Variants in NAV1 observed in about 807,000 individuals in gnomAD.
The protein encoded by NAV1 is neuron navigator 1, also known as pore membrane and/or filament interacting like protein 3.
NAV1 carries 18 observed loss-of-function variants against 175.2 expected under a neutral mutation model. The observed-to-expected ratio is 0.10, with a 90% confidence interval of 0.07 to 0.15. The LOEUF is 0.15. Among genes scored for constraint, NAV1 ranks in the 10% least tolerant of loss-of-function variants. The pLI is 1.00. For synonymous variants in NAV1, 897 were observed against 978.7 expected, an observed-to-expected ratio of 0.92 and a Z score of 1.56; for missense variants, 1,731 against 2,436.6, an observed-to-expected ratio of 0.71 and a Z score of 6.10.
intron 3 of NAV1, among the ~76,000 whole-genome samples, chr1:201,776,322 G>C (rs1308459751): frequency 1.1e-5 from 1 of 93,976 alleles, no homozygotes; most frequent in African/African-American, 4.2e-5. Context: ...AACATAAGGA[G>C]ACCCTGACTC....
chr1:201,781,242 C>T, exon 5 of NAV1: 1 of 1,613,932 alleles, frequency 6.2e-7, no homozygotes, highest in Non-Finnish European at 8.5e-7. Context: ...TGAAGAAGGG[C>T]AAGACCCCAC....
At chr1:201,673,066 T>C (rs992270955) in intron 1 of NAV1, 2 of 152,276 alleles carry the variant, frequency 1.3e-5, no homozygotes, top group African/African-American at 4.8e-5. Flanking sequence ...CACACCTCTT[T>C]TTGCAGGCTA....
At position 201,714,913 on chromosome 1, in the gene NAV1, G is replaced by A. The variant is rs144612770; in HGVS notation, c.860+1994G>A. Reference sequence around the variant, plus strand: ...CCGGACAGCTTGACCCTAGGCAGGCGCTATTGGTTTTCTGCTTCTAGTGGG... The same window carrying A: ...CCGGACAGCTTGACCCTAGGCAGGCACTATTGGTTTTCTGCTTCTAGTGGG... On this transcript the variant is annotated intron_variant, in intron 2 of 29. Coordinates refer to ENST00000367296, the Ensembl canonical transcript of NAV1. 4.7e-3 allele frequency among the ~76,000 whole-genome samples: 719 copies of A among 152,242 alleles called. 1 individual carries two copies. Among genetic ancestry groups the A allele is most frequent in the African/African-American group, 0.016 (670 of 41,522 alleles).
At chr1:201,690,465 C>T (rs1464599236) in intron 1 of NAV1, among the ~76,000 whole-genome samples, 2 of 120,974 alleles carry the variant, frequency 1.7e-5, no homozygotes, top group African/African-American at 3.2e-5. Flanking sequence ...CTGGCCTGTC[C>T]GTGGCAGAGT....
intron 1 of NAV1, among the ~76,000 whole-genome samples, chr1:201,655,168 C>T (rs183698607): frequency 3.9e-5 from 6 of 152,158 alleles, no homozygotes; most frequent in East Asian, 3.9e-4. Flanking sequence ...CACCTGGACC[C>T]CACTGTCTGC....
chr1:201,700,311 T>C (rs1671361236), intron 1 of NAV1, among the ~76,000 whole-genome samples: 1 of 152,230 alleles, frequency 6.6e-6, no homozygotes, highest in Admixed American at 6.5e-5. Flanking sequence ...AAGACATTTA[T>C]GCACCCAACA....
chr1:201,747,326 G>C lies in NAV1; in HGVS notation c.1226+28571G>C, dbSNP rs892536261. 5.3e-5 allele frequency among the ~76,000 whole-genome samples: 8 copies of C among 152,184 alleles called. No individual in the cohort carries two copies. In the South Asian group the frequency reaches 8.3e-4, roughly 16 times the overall value. On this transcript the variant is annotated intron_variant, in intron 3 of 29. Transcript: ENST00000367296. ...ATTTTCCCATGGATTATTTTAAATA[G>C]TTCTATAAGACTATACTAGACTATC...
intron 1 of NAV1, among the ~76,000 whole-genome samples, chr1:201,586,922 A>C (rs188543512): frequency 6.6e-6 from 1 of 152,302 alleles, no homozygotes; most frequent in East Asian, 1.9e-4. Flanking sequence ...TAAGATGGTA[A>C]GTTTTAGGCT....
intron 17 of NAV1, among the ~76,000 whole-genome samples, chr1:201,805,851 G>C (rs1365633406): frequency 6.6e-6 from 1 of 152,130 alleles, no homozygotes; most frequent in Non-Finnish European, 1.5e-5. Flanking sequence ...GAGCCTGGGA[G>C]GTGGAGGTTG....
chr1:201,552,436 T>G (rs1211969374), intron 1 of NAV1, among the ~76,000 whole-genome samples: 1 of 151,912 alleles, frequency 6.6e-6, no homozygotes, highest in Admixed American at 6.6e-5. Flanking sequence ...GCGCTGAAGG[T>G]GCTGAATTTC....
intron 1 of NAV1, among the ~76,000 whole-genome samples, chr1:201,704,151 T>C (rs1558082226): frequency 1.3e-5 from 2 of 152,174 alleles, no homozygotes; most frequent in Non-Finnish European, 2.9e-5. Context: ...CTCCCCGTCA[T>C]AGATACTGCA....
In NAV1 at chr1:201,813,575, AAAACAAAC is replaced by A. The variant is rs200644791; in HGVS notation, c.5340+333_5340+340del. 2.6e-5 allele frequency among the ~76,000 whole-genome samples: 4 copies of A among 152,144 alleles called. No individual in the cohort carries two copies. The highest frequency in any genetic ancestry group is 1.9e-4 in the East Asian group (1 of 5,200). ...CTAAGAAGTAAGTAAAACCCTAATT[AAAACAAAC>A]AAACAAACAAACAAAACCTTAGCTA... On this transcript the variant is annotated intron_variant, in intron 28 of 29. Coordinates refer to ENST00000367296, the Ensembl canonical transcript of NAV1. The surrounding 1 kb of genome is among the most constrained non-coding windows in gnomAD (Gnocchi z 4.2).
At chr1:201,685,533 C>T (rs1487996991) in intron 1 of NAV1, among the ~76,000 whole-genome samples, 1 of 152,160 alleles carries the variant, frequency 6.6e-6, no homozygotes, top group Non-Finnish European at 1.5e-5. Flanking sequence ...TGCTCATTTC[C>T]TCTGTATCTG....
At chr1:201,585,166 G>A (rs959943916) in intron 1 of NAV1, among the ~76,000 whole-genome samples, 4 of 152,174 alleles carry the variant, frequency 2.6e-5, no homozygotes, top group South Asian at 4.1e-4. Context: ...GCACTGGGCT[G>A]GATCTATTCT....
intron 2 of NAV1, among the ~76,000 whole-genome samples, chr1:201,636,778 G>A (rs757745819): frequency 1.6e-4 from 24 of 152,216 alleles, no homozygotes; most frequent in Non-Finnish European, 2.9e-4. Flanking sequence ...CCCAGTGGAA[G>A]TGGAAGGAGA....
At chr1:201,689,685 C>A (rs1456775213) in intron 1 of NAV1, among the ~76,000 whole-genome samples, 1 of 152,196 alleles carries the variant, frequency 6.6e-6, no homozygotes, top group Non-Finnish European at 1.5e-5. Flanking sequence ...TGTCCTGTGG[C>A]CGCCCAAGAC....
At chr1:201,639,006 G>A (rs1333867319) in intron 2 of NAV1, among the ~76,000 whole-genome samples, 1 of 152,204 alleles carries the variant, frequency 6.6e-6, no homozygotes, top group East Asian at 1.9e-4. Flanking sequence ...GGTAGGAAAG[G>A]CAGAGCGGTG....
intron 1 of NAV1, among the ~76,000 whole-genome samples, chr1:201,558,406 C>T (rs1156562779): frequency 3.3e-5 from 5 of 152,140 alleles, no homozygotes; most frequent in Admixed American, 1.3e-4. Context: ...AACCAAAGAA[C>T]GAACACTGGT....
At chr1:201,624,765 C>T (rs879207582) in intron 1 of NAV1, among the ~76,000 whole-genome samples, 2 of 152,110 alleles carry the variant, frequency 1.3e-5, no homozygotes, top group Admixed American at 6.5e-5. Flanking sequence ...AATTAAGTAT[C>T]TTCCTGACTA....
Sources: gnomAD v4.1 joint callset for allele counts (sites outside exome capture counted in the v4.1 genomes callset) on GRCh38, gnomAD v4.1.1 for gene constraint, Gnocchi (gnomAD v3.1) non-coding constraint, MANE v1.5 for transcripts, NCBI Gene and HGNC (gene_info 2026-07-23, HGNC 2026-07-21) for gene names.